Variants in AP3B1 observed in about 807,000 individuals in gnomAD.
AP3B1 encodes adaptor related protein complex 3 subunit beta 1, also known as AP-3 complex subunit beta-1.
AP3B1 carries 61 observed loss-of-function variants against 132.5 expected under a neutral mutation model. That is an observed-to-expected ratio of 0.46 (90% CI 0.37 to 0.57). The LOEUF (loss-of-function observed/expected upper bound fraction) is 0.57. Ranked by LOEUF, AP3B1 falls within the 20% of genes least tolerant of loss-of-function variation. The pLI is 0.00. For missense variants in AP3B1, 1,120 were observed against 1,289.4 expected (o/e 0.87, Z 2.01); for synonymous variants, 388 against 438.3 (o/e 0.89, Z 1.43).
chr5:78,098,196 T>C (rs1029926564), intron 21 of AP3B1, among the ~76,000 whole-genome samples: 2 of 151,802 alleles, frequency 1.3e-5, no homozygotes, highest in African/African-American at 4.8e-5. Context: ...TGTTCACTTG[T>C]TTATCTGCTG....
chr5:78,281,160 C>T (rs908075793), intron 1 of AP3B1, among the ~76,000 whole-genome samples: 4 of 152,108 alleles, frequency 2.6e-5, no homozygotes, highest in East Asian at 1.9e-4. Flanking sequence ...CTCGGCCGGG[C>T]GCAGTGGCTC....
At chr5:78,124,899 G>C (rs1482335147) in intron 17 of AP3B1, among the ~76,000 whole-genome samples, 3 of 152,168 alleles carry the variant, frequency 2.0e-5, no homozygotes, top group African/African-American at 7.2e-5. Context: ...ATGCTCAAAC[G>C]TGCATTTTTT....
intron 22 of AP3B1, among the ~76,000 whole-genome samples, chr5:78,073,460 A>G (rs1240060802): frequency 1.3e-5 from 2 of 152,204 alleles, no homozygotes; most frequent in Non-Finnish European, 1.5e-5. Context: ...CAATACCACA[A>G]TTCAACAGTA....
At chr5:78,200,404 T>C (rs928261625) in intron 7 of AP3B1, among the ~76,000 whole-genome samples, 1 of 152,208 alleles carries the variant, frequency 6.6e-6, no homozygotes, top group Admixed American at 6.5e-5. Context: ...TATTCTGTAA[T>C]CCCAGCACTT....
At chr5:78,126,658 ACT>A (rs1752480383) in intron 17 of AP3B1, among the ~76,000 whole-genome samples, 1 of 152,098 alleles carries the variant, frequency 6.6e-6, no homozygotes, top group African/African-American at 2.4e-5. Flanking sequence ...ACATATTACT[ACT>A]GTTACAAATT....
intron 9 of AP3B1, among the ~76,000 whole-genome samples, chr5:78,176,062 A>G (rs1744136247): frequency 6.6e-6 from 1 of 152,186 alleles, no homozygotes; most frequent in Non-Finnish European, 1.5e-5. Context: ...AATAGTTAAA[A>G]CAAATTTTAT....
chr5:78,079,360 C>CT (rs1561391633), intron 22 of AP3B1, among the ~76,000 whole-genome samples: 1 of 152,008 alleles, frequency 6.6e-6, no homozygotes, highest in African/African-American at 2.4e-5. Context: ...AATCTGAACT[C>CT]TAATTGAGAA....
At chr5:78,160,904 G>A (rs1017066147) in intron 13 of AP3B1, among the ~76,000 whole-genome samples, 1 of 151,654 alleles carries the variant, frequency 6.6e-6, no homozygotes, top group African/African-American at 2.4e-5. Flanking sequence ...TAGCATATGT[G>A]ATACAGACAT....
At chr5:78,203,826 C>G (rs1399698147) in intron 7 of AP3B1, among the ~76,000 whole-genome samples, 1 of 152,190 alleles carries the variant, frequency 6.6e-6, no homozygotes. Context: ...TCTCAATTGA[C>G]TTAAGTTCAC....
chr5:78,177,585 T>G, intron 8 of AP3B1, 149 bp from the exon 9 acceptor site: 1 of 701,382 alleles, frequency 1.4e-6, no homozygotes, highest in Admixed American at 2.1e-5. Flanking sequence ...GTTGAAGAAG[T>G]GTCCCCCACT....
rs117989163 is a variant in AP3B1 at position 78,025,585 on chromosome 5, C to A, written c.2895-4796G>T. On this transcript the variant is annotated intron_variant, in intron 24 of 26. Coordinates refer to ENST00000255194, the MANE Select transcript of AP3B1 (RefSeq NM_003664.5). ...ATAAACCTGGCCCCTTTCTCCATGT[C>A]ATTTCTTTCCTTTTTTCTGTCTGGA... is the stretch of plus-strand genomic sequence containing the variant. Among the ~76,000 whole-genome samples, 178 of 152,292 alleles carry A rather than the reference C, an allele frequency of 1.2e-3. 4 individuals are homozygous for A. The East Asian group carries it at 0.025, about 22-fold the overall frequency.
chr5:78,001,626 G>C (rs1269968862), downstream of AP3B1: 1 of 152,100 alleles, frequency 6.6e-6, no homozygotes, highest in Non-Finnish European at 1.5e-5. Flanking sequence ...ACTCTGTTTT[G>C]TTCTTTTCAA....
chr5:78,105,681 A>C (rs1364849106), intron 20 of AP3B1, among the ~76,000 whole-genome samples: 1 of 152,216 alleles, frequency 6.6e-6, no homozygotes, highest in Non-Finnish European at 1.5e-5. Context: ...CTATACTAAA[A>C]ATATTTCTCA....
At position 78,116,250 on chromosome 5, in the gene AP3B1, A is replaced by C; in HGVS notation, c.1969-16T>G. On this transcript the variant is annotated splice_polypyrimidine_tract_variant and intron_variant, in intron 17 of 26. Coordinates refer to ENST00000255194, the MANE Select transcript of AP3B1 (RefSeq NM_003664.5). The stretch of plus-strand genomic sequence containing the variant: ...ATTCTTTTGCCTGTTTAAACAAATA[A>C]AGTAAATATAAATGAATTCTCATTC... 1.3e-6 allele frequency: 2 copies of C among 1,579,224 alleles called. No homozygotes were observed. The highest frequency in any genetic ancestry group is 1.7e-6 in the Non-Finnish European group (2 of 1,148,798).
intron 22 of AP3B1, among the ~76,000 whole-genome samples, chr5:78,086,365 T>A (rs1223828148): frequency 2.0e-5 from 3 of 152,216 alleles, no homozygotes; most frequent in African/African-American, 7.2e-5. Flanking sequence ...TCAGGTACTG[T>A]CATAAACATT....
intron 15 of AP3B1, among the ~76,000 whole-genome samples, chr5:78,139,074 T>C (rs1753038958): frequency 6.7e-6 from 1 of 149,020 alleles, no homozygotes; most frequent in South Asian, 2.1e-4. Flanking sequence ...AAACTAGTTG[T>C]CTTCAAATTC....
intron 17 of AP3B1, among the ~76,000 whole-genome samples, chr5:78,117,349 G>C (rs143911319): frequency 0.03 from 4,537 of 149,372 alleles, 251 homozygotes; most frequent in African/African-American, 0.11. Flanking sequence ...TCGCTCCGTC[G>C]CCCAGGCTGG....
intron 7 of AP3B1, among the ~76,000 whole-genome samples, chr5:78,208,969 G>A (rs1476158297): frequency 6.6e-6 from 1 of 151,830 alleles, no homozygotes; most frequent in Non-Finnish European, 1.5e-5. Context: ...GTAAGCAGAA[G>A]CATAAGGTAA....
At chr5:78,093,730 CCAGTAATGCCTAT>C (rs1281700223) in intron 21 of AP3B1, among the ~76,000 whole-genome samples, 3 of 152,264 alleles carry the variant, frequency 2.0e-5, no homozygotes, top group Admixed American at 2.0e-4. Context: ...ATCACTAAAC[CCAGTAATGCCTAT>C]CATGTGTTAG....
Sources: gnomAD v4.1 joint callset for allele counts (sites outside exome capture counted in the v4.1 genomes callset) on GRCh38, gnomAD v4.1.1 for gene constraint, MANE v1.5 for transcripts, NCBI Gene and HGNC (gene_info 2026-07-23, HGNC 2026-07-21) for gene names.